NRG2: variants seen among roughly 807,000 people sequenced by gnomAD.
NRG2 encodes the protein neuregulin 2.
In NRG2, 27 loss-of-function variants were observed where a neutral mutation model predicts 73.9. The observed-to-expected ratio is 0.37, with a 90% CI of 0.27 to 0.50. The LOEUF (loss-of-function observed/expected upper bound fraction) is 0.50. NRG2 is among the 20% of genes least tolerant of loss of function. The pLI, the probability that NRG2 is intolerant of heterozygous loss-of-function variation, is 0.96. For missense variants in NRG2, 1,126 were observed against 1,210.1 expected (o/e 0.93, Z 1.03); for synonymous variants, 532 against 541.0 (o/e 0.98, Z 0.23).
intron 1 of NRG2, among the ~76,000 whole-genome samples, chr5:139,909,988 C>T (rs1765476681): frequency 6.6e-6 from 1 of 152,206 alleles, no homozygotes; most frequent in Admixed American, 6.5e-5. Context: ...CGTGCCTCTG[C>T]CTCCCTCAGT....
chr5:139,938,850 AAGAGAGAGAGAG>A (rs61044289), intron 1 of NRG2, among the ~76,000 whole-genome samples: 69 of 95,082 alleles, frequency 7.3e-4, no homozygotes, highest in African/African-American at 2.3e-3. Context: ...ACAGAAAGGG[AAGAGAGAGAGAG>A]AGAGAGAGAG....
At chr5:139,876,405 G>A (rs1763177328) in intron 3 of NRG2, among the ~76,000 whole-genome samples, 1 of 152,078 alleles carries the variant, frequency 6.6e-6, no homozygotes, top group Non-Finnish European at 1.5e-5. Flanking sequence ...AAAATTAGTG[G>A]TGATAGTTAT....
At chr5:140,027,468 G>A (rs769943872) in intron 1 of NRG2, among the ~76,000 whole-genome samples, 9 of 152,110 alleles carry the variant, frequency 5.9e-5, no homozygotes, top group South Asian at 4.1e-4. Flanking sequence ...AGGATTCACC[G>A]GAAAAACCAT....
chr5:139,939,190 T>G (rs1035818296), intron 1 of NRG2, among the ~76,000 whole-genome samples: 1 of 151,496 alleles, frequency 6.6e-6, no homozygotes, highest in African/African-American at 2.4e-5. Context: ...GACCTTGGGT[T>G]TGGCAAAGAT....
intron 1 of NRG2, among the ~76,000 whole-genome samples, chr5:140,038,008 C>T (rs1761639273): frequency 6.6e-6 from 1 of 151,708 alleles, no homozygotes; most frequent in African/African-American, 2.4e-5. Flanking sequence ...ACCACAGAGC[C>T]TTAAAGCGGG....
chr5:140,004,333 G>C (rs2126629889), intron 1 of NRG2, among the ~76,000 whole-genome samples: 1 of 152,286 alleles, frequency 6.6e-6, no homozygotes, highest in East Asian at 1.9e-4. Flanking sequence ...AACAACTTTT[G>C]CAGATAAGAC....
intron 1 of NRG2, among the ~76,000 whole-genome samples, chr5:140,015,240 A>C (rs1318627872): frequency 6.6e-6 from 1 of 152,182 alleles, no homozygotes; most frequent in Non-Finnish European, 1.5e-5. Flanking sequence ...GCTTACTACC[A>C]GAAAGTAAAT....
At chr5:139,944,856 G>T (rs1183795969) in intron 1 of NRG2, among the ~76,000 whole-genome samples, 1 of 152,080 alleles carries the variant, frequency 6.6e-6, no homozygotes, top group Non-Finnish European at 1.5e-5. Context: ...GGCTGTACTA[G>T]TTTGCATTTC....
intron 1 of NRG2, among the ~76,000 whole-genome samples, chr5:139,892,647 A>G (rs966864218): frequency 2.0e-5 from 3 of 152,134 alleles, no homozygotes; most frequent in African/African-American, 7.2e-5. Flanking sequence ...ATGGGTATAG[A>G]GATCATCGCA....
chr5:140,017,731 G>A (rs182874827), intron 1 of NRG2, among the ~76,000 whole-genome samples: 2 of 152,250 alleles, frequency 1.3e-5, no homozygotes, highest in Admixed American at 6.5e-5. Flanking sequence ...CAAGAGGTAC[G>A]GGCTGTTCTT....
At chr5:140,006,148 AATGTGC>A (rs1308285196) in intron 1 of NRG2, among the ~76,000 whole-genome samples, 1 of 152,106 alleles carries the variant, frequency 6.6e-6, no homozygotes, top group Non-Finnish European at 1.5e-5. Context: ...ATAATACTAA[AATGTGC>A]TGTCTGTCAC....
chr5:139,980,876 G>C (rs771966499), intron 1 of NRG2, among the ~76,000 whole-genome samples: 26 of 152,224 alleles, frequency 1.7e-4, no homozygotes, highest in Non-Finnish European at 3.1e-4. Flanking sequence ...GTCCCAAATG[G>C]TGAAATCTAT....
At chr5:139,929,545 G>T (rs922145455) in intron 1 of NRG2, among the ~76,000 whole-genome samples, 1 of 152,272 alleles carries the variant, frequency 6.6e-6, no homozygotes, top group South Asian at 2.1e-4. Context: ...GAAGAGATCA[G>T]GTATAGGCTA....
At chr5:139,891,335 C>T (rs1305156562) in intron 1 of NRG2, among the ~76,000 whole-genome samples, 1 of 152,164 alleles carries the variant, frequency 6.6e-6, no homozygotes, top group East Asian at 1.9e-4. Flanking sequence ...GAACTGAGAG[C>T]TCCAAAGTAA....
At chr5:139,920,448 T>C (rs776127669) in intron 1 of NRG2, among the ~76,000 whole-genome samples, 4 of 152,190 alleles carry the variant, frequency 2.6e-5, no homozygotes, top group Non-Finnish European at 4.4e-5. Context: ...CCCAGACTCA[T>C]AGGGTCAGAG....
chr5:139,981,888 G>C (rs1012016014), intron 1 of NRG2, among the ~76,000 whole-genome samples: 3 of 152,210 alleles, frequency 2.0e-5, no homozygotes, highest in African/African-American at 7.2e-5. Context: ...CTAACCTAGA[G>C]GGGATGCTGG....
chr5:139,848,770 G>GGTT, intron 9 of NRG2, 73 bp from the exon 10 acceptor site: 1 of 159,414 alleles, frequency 6.3e-6, no homozygotes, highest in Non-Finnish European at 1.2e-5. Flanking sequence ...TGGGGGTGGG[G>GGTT]TAGGGTGGGA....
intron 5 of NRG2, among the ~76,000 whole-genome samples, chr5:139,859,702 CTTCT>C (rs1762023927): frequency 6.6e-6 from 1 of 152,180 alleles, no homozygotes; most frequent in Non-Finnish European, 1.5e-5. Context: ...TGTTCATGAG[CTTCT>C]TTCGTCTCCT....
rs146500364 is a variant in NRG2 at position 139,907,125 on chromosome 5, C to T, written c.701-19614G>A. ...TGTGTCTAAGGTGTGTGTGTGTACA[C>T]GTGGGGTTTGTGGGAGGTCTGTGGA... On this transcript the variant is annotated intron_variant, in intron 1 of 9. Coordinates refer to ENST00000361474, the MANE Select transcript of NRG2 (RefSeq NM_004883.3). 2.2e-4 allele frequency among the ~76,000 whole-genome samples: 33 copies of T among 151,940 alleles called. No homozygotes were observed. The East Asian group carries it at 6.4e-3, about 29-fold the overall frequency.
Sources: gnomAD v4.1 joint callset for allele counts (sites outside exome capture counted in the v4.1 genomes callset) on GRCh38, gnomAD v4.1.1 for gene constraint, MANE v1.5 for transcripts, NCBI Gene and HGNC (gene_info 2026-07-23, HGNC 2026-07-21) for gene names.